MARCHF8: variants seen among roughly 807,000 people sequenced by gnomAD.
The protein encoded by MARCHF8 is E3 ubiquitin-protein ligase MARCHF8.
In MARCHF8, 40 loss-of-function variants were observed where a neutral mutation model predicts 51.6. The ratio of observed to expected loss-of-function variants is 0.77; its 90% CI spans 0.60 to 1.01. MARCHF8 has a LOEUF of 1.01. Among genes scored for constraint, MARCHF8 ranks in the 50% least tolerant of loss-of-function variants. The pLI is 0.00. For synonymous variants in MARCHF8, 263 were observed against 280.3 expected, an observed-to-expected ratio of 0.94 and a Z score of 0.62; for missense variants, 685 against 708.6, an observed-to-expected ratio of 0.97 and a Z score of 0.38.
In MARCHF8 at chr10:45,464,220, A is replaced by G; in HGVS notation, c.242+19T>C. On this transcript the variant is annotated intron_variant, in intron 4 of 7. Transcript: ENST00000453424. ...CTGGCTGCACACTGATCATGGCAGCATCTGAAGCAGAGTGTTACCTGCAGA... is the reference window on the plus strand; with the variant it reads ...CTGGCTGCACACTGATCATGGCAGCGTCTGAAGCAGAGTGTTACCTGCAGA... 6.2e-7 allele frequency: 1 copy of G among 1,611,380 alleles called. No homozygotes were observed. Among genetic ancestry groups the G allele is most frequent in the East Asian group, 2.2e-5 (1 of 44,878 alleles).
chr10:45,505,287 C>T (rs749607898), intron 2 of MARCHF8, among the ~76,000 whole-genome samples: 3 of 152,224 alleles, frequency 2.0e-5, no homozygotes, highest in Admixed American at 6.5e-5. Flanking sequence ...TGGGTCCCCA[C>T]TCCCAGTCCT....
intron 6 of MARCHF8, among the ~76,000 whole-genome samples, chr10:45,460,857 G>A (rs1842762358): frequency 6.6e-6 from 1 of 152,138 alleles, no homozygotes; most frequent in South Asian, 2.1e-4. Context: ...CTGGGTGCTG[G>A]GGAGATACTA....
At chr10:45,508,333 T>TAAA (rs35317640) in intron 2 of MARCHF8, among the ~76,000 whole-genome samples, 7 of 94,902 alleles carry the variant, frequency 7.4e-5, no homozygotes, top group Non-Finnish European at 1.3e-4. Flanking sequence ...TCTTTCACAG[T>TAAA]AAAAAAAAAA....
intron 1 of MARCHF8, among the ~76,000 whole-genome samples, chr10:45,547,834 T>C (rs986675044): frequency 4.6e-5 from 7 of 152,158 alleles, no homozygotes; most frequent in African/African-American, 1.7e-4. Flanking sequence ...AAAGCAATGG[T>C]TATATCTGCC....
Position 45,463,837 on chromosome 10 carries a change from T to G in MARCHF8, c.402A>C (p.Ser134=). 1 of 1,544,828 alleles carries G rather than the reference T, an allele frequency of 6.5e-7. No individual in the cohort carries two copies. Among genetic ancestry groups the G allele is most frequent in the Non-Finnish European group, 8.7e-7 (1 of 1,147,034 alleles). Residue 134 remains serine (S), a synonymous_variant, in exon 5 of 8, where the codon TCA becomes TCC. Transcript: ENST00000453424. ...CAGGCTTCAAGGCCTGGGCCCATTC[T>G]GAACCAAAGGAATTTCTCTTTGACG... is the stretch of plus-strand genomic sequence containing the variant. ...LQASKRNSFG[S]EWAQALKPAK... is the part of the protein sequence containing the mutation.
intron 1 of MARCHF8, among the ~76,000 whole-genome samples, chr10:45,545,387 T>A (rs2044107018): frequency 6.6e-6 from 1 of 152,192 alleles, no homozygotes; most frequent in Non-Finnish European, 1.5e-5. Flanking sequence ...GTTCTCTGTC[T>A]CAAATCCTGA....
In MARCHF8 at chr10:45,459,142, C is replaced by A; in HGVS notation, c.1395G>T (p.Glu465Asp). The A allele has an allele frequency of 1.2e-6, 2 of 1,614,054 alleles. No homozygotes were observed. The highest frequency in any genetic ancestry group is 1.7e-6 in the Non-Finnish European group (2 of 1,179,988). The change falls in exon 7 of 8, where the codon GAG becomes GAT. Residue 465 changes from glutamate to aspartate, a missense_variant. Transcript: ENST00000453424. ...CACCTGTTGCCTGCCCCTGCTTGATCTCCTCAGCAGTACGGTCAATGAGCA... is the reference window on the plus strand; with the variant it reads ...CACCTGTTGCCTGCCCCTGCTTGATATCCTCAGCAGTACGGTCAATGAGCA... ...LYVLIDRTAE[E>D]IKQGQATGIL... is the part of the protein sequence containing the mutation.
At chr10:45,535,800 T>C (rs568316512), upstream of MARCHF8, among the ~76,000 whole-genome samples, 1 of 152,346 alleles carries the variant, frequency 6.6e-6, no homozygotes, top group East Asian at 1.9e-4. Flanking sequence ...CTCAGCACTA[T>C]GCCTCACAAT....
intron 3 of MARCHF8, among the ~76,000 whole-genome samples, chr10:45,483,897 G>T (rs1339714676): frequency 6.6e-6 from 1 of 152,178 alleles, no homozygotes; most frequent in African/African-American, 2.4e-5. Flanking sequence ...GCTGGGAAGG[G>T]TGTGCATGGA....
At chr10:45,553,080 C>T (rs1350391470) in intron 1 of MARCHF8, 1 of 151,930 alleles carries the variant, frequency 6.6e-6, no homozygotes, top group Non-Finnish European at 1.5e-5. Context: ...CACTAAAATA[C>T]CAGAATCCTG....
At chr10:45,477,677 A>G (rs1349673501) in intron 3 of MARCHF8, among the ~76,000 whole-genome samples, 1 of 152,246 alleles carries the variant, frequency 6.6e-6, no homozygotes, top group African/African-American at 2.4e-5. Context: ...CAAGAAGCTC[A>G]TCGCACCTGT....
At chr10:45,482,128 A>C (rs905613516) in intron 3 of MARCHF8, among the ~76,000 whole-genome samples, 3 of 152,202 alleles carry the variant, frequency 2.0e-5, no homozygotes, top group African/African-American at 7.2e-5. Context: ...AGGCGTTGCA[A>C]GGAAAACTAC....
intron 3 of MARCHF8, among the ~76,000 whole-genome samples, chr10:45,473,191 G>A (rs913188999): frequency 7.2e-5 from 11 of 152,170 alleles, no homozygotes; most frequent in East Asian, 1.9e-4. Context: ...AACAATAACC[G>A]GAAAATATTC....
intron 1 of MARCHF8, among the ~76,000 whole-genome samples, chr10:45,571,530 A>G (rs981234821): frequency 6.6e-6 from 1 of 152,056 alleles, no homozygotes; most frequent in Admixed American, 6.5e-5. Context: ...TATTGCTCAC[A>G]CAAAGCCTGT....
intron 5 of MARCHF8, among the ~76,000 whole-genome samples, chr10:45,462,431 G>T (rs915810032): frequency 6.6e-6 from 1 of 152,156 alleles, no homozygotes; most frequent in African/African-American, 2.4e-5. Context: ...ACACCTTTTG[G>T]GGGTAGGTAG....
intron 6 of MARCHF8, 59 bp downstream of exon 6, chr10:45,461,172 C>T (rs968056579): frequency 7.5e-7 from 1 of 1,340,950 alleles, no homozygotes; most frequent in Non-Finnish European, 9.9e-7. Context: ...ATCTGAGACA[C>T]CAGCTTTCTG....
chr10:45,540,656 T>C (rs1055469144), intron 1 of MARCHF8, among the ~76,000 whole-genome samples: 1 of 152,172 alleles, frequency 6.6e-6, no homozygotes, highest in Non-Finnish European at 1.5e-5. Flanking sequence ...AGAAAATTTT[T>C]GCAATCTACT....
chr10:45,559,034 A>G (rs139512998), intron 1 of MARCHF8, among the ~76,000 whole-genome samples: 52 of 152,348 alleles, frequency 3.4e-4, no homozygotes, highest in Non-Finnish European at 6.6e-4. Context: ...GTATAGTTTA[A>G]GATGTAGTAA....
chr10:45,552,306 A>AT (rs1234180567), intron 1 of MARCHF8, among the ~76,000 whole-genome samples: 156 of 142,722 alleles, frequency 1.1e-3, no homozygotes, highest in African/African-American at 3.8e-3. Context: ...AGGTGGTAGA[A>AT]TTTAAAAAAA....
Sources: allele counts gnomAD v4.1 joint callset (sites outside exome capture counted in the v4.1 genomes callset), GRCh38; gene constraint gnomAD v4.1.1; transcripts MANE v1.5; gene names NCBI Gene and HGNC (gene_info 2026-07-23, HGNC 2026-07-21).